Variants in TENM2 observed in about 807,000 individuals in gnomAD.
The protein encoded by TENM2 is teneurin-2.
In TENM2, 52 loss-of-function variants were observed where a neutral mutation model predicts 245.2. That is an observed-to-expected ratio of 0.21 (90% CI 0.17 to 0.27). The LOEUF is 0.27. TENM2 is among the 10% of genes least tolerant of loss of function. TENM2 has a pLI of 1.00. For missense variants in TENM2, 3,046 were observed against 3,666.8 expected, an observed-to-expected ratio of 0.83 and a Z score of 4.37; for synonymous variants, 1,363 against 1,438.9, an observed-to-expected ratio of 0.95 and a Z score of 1.19.
chr5:167,205,138 T>C, the TENM2 span, among the ~76,000 whole-genome samples: 1 of 152,208 alleles, frequency 6.6e-6, no homozygotes, highest in Non-Finnish European at 1.5e-5. Context: ...CCCAGCACTT[T>C]GGGAGGCCAA....
At chr5:167,340,234 T>G (rs1758016881) in intron 1 of TENM2, among the ~76,000 whole-genome samples, 1 of 152,202 alleles carries the variant, frequency 6.6e-6, no homozygotes, top group African/African-American at 2.4e-5. Context: ...CACCTCAAAG[T>G]GCTTCTAGCC....
At chr5:167,535,670 C>G (rs1771798539) in intron 2 of TENM2, among the ~76,000 whole-genome samples, 1 of 152,230 alleles carries the variant, frequency 6.6e-6, no homozygotes, top group Non-Finnish European at 1.5e-5. Flanking sequence ...ACACAATGTT[C>G]ATCTCCTCTG....
Position 167,941,385 on chromosome 5 carries a change from T to C in TENM2, c.713-11203T>C, listed in dbSNP as rs571176262. On this transcript the variant is annotated intron_variant, in intron 3 of 28. Coordinates refer to ENST00000518659, the Ensembl canonical transcript of TENM2. ...CACATTGTCCACCATTGGACAGTTT[T>C]ATTTCAGTGTATTTAAACTGCAAGT... 6.6e-5 allele frequency among the ~76,000 whole-genome samples: 10 copies of C among 152,348 alleles called. No individual in the cohort carries two copies. The South Asian group carries it at 1.9e-3, about 28-fold the overall frequency.
chr5:167,041,798 C>G, the TENM2 span, among the ~76,000 whole-genome samples: 1 of 152,112 alleles, frequency 6.6e-6, no homozygotes, highest in Non-Finnish European at 1.5e-5. Context: ...AAGCAAACCT[C>G]CCCCCTCCAA....
chr5:167,576,354 A>G (rs903405664), intron 2 of TENM2, among the ~76,000 whole-genome samples: 13 of 152,010 alleles, frequency 8.6e-5, no homozygotes, highest in African/African-American at 3.1e-4. Flanking sequence ...TTACAGGAAA[A>G]AAAGAAATGC....
chr5:167,574,280 G>T (rs1012747876), intron 2 of TENM2, among the ~76,000 whole-genome samples: 2 of 152,196 alleles, frequency 1.3e-5, no homozygotes, highest in African/African-American at 4.8e-5. Context: ...AGATGAGAAA[G>T]ATGATTTTGA....
intron 2 of TENM2, among the ~76,000 whole-genome samples, chr5:167,465,033 C>T (rs1257664187): frequency 6.6e-6 from 1 of 152,172 alleles, no homozygotes; most frequent in Non-Finnish European, 1.5e-5. Context: ...AGTTTTAAAG[C>T]ACCGTTCTCA....
chr5:168,008,250 TA>T (rs1298698590), intron 5 of TENM2, among the ~76,000 whole-genome samples: 10 of 151,862 alleles, frequency 6.6e-5, no homozygotes, highest in African/African-American at 2.2e-4. Context: ...ACAGGAAAGG[TA>T]AAAGGAGAAG....
chr5:168,119,357 G>A (rs2152337121), intron 10 of TENM2, among the ~76,000 whole-genome samples: 1 of 152,314 alleles, frequency 6.6e-6, no homozygotes, highest in African/African-American at 2.4e-5. Context: ...ACAGGAACAG[G>A]GAGAAAGAGC....
chr5:167,378,890 A>ATTTTTTTT, intron 2 of TENM2, among the ~76,000 whole-genome samples: 1 of 149,652 alleles, frequency 6.7e-6, no homozygotes, highest in Non-Finnish European at 1.5e-5. Context: ...TCCTTCCAGC[A>ATTTTTTTT]GAATTCTAGT....
chr5:167,056,670 A>G, the TENM2 span, among the ~76,000 whole-genome samples: 90,636 of 142,750 alleles, frequency 0.63, 30,929 homozygotes, highest in African/African-American at 0.9. Context: ...TATATGTGCC[A>G]TATATATATT....
At chr5:168,095,657 T>G (rs1793305493) in intron 8 of TENM2, among the ~76,000 whole-genome samples, 1 of 152,236 alleles carries the variant, frequency 6.6e-6, no homozygotes, top group Non-Finnish European at 1.5e-5. Flanking sequence ...TATATCTGTC[T>G]TTGTCACCAT....
the TENM2 span, among the ~76,000 whole-genome samples, chr5:167,004,975 G>T: frequency 1.3e-5 from 2 of 152,004 alleles, no homozygotes; most frequent in Non-Finnish European, 2.9e-5. Context: ...GATTTGAATA[G>T]AGTCCGAATA....
At chr5:167,117,485 A>G in the TENM2 span, among the ~76,000 whole-genome samples, 1 of 152,208 alleles carries the variant, frequency 6.6e-6, no homozygotes, top group Non-Finnish European at 1.5e-5. Context: ...CCTGGGCGAC[A>G]GAGCGAGACT....
chr5:167,372,984 G>A (rs1434505945), intron 1 of TENM2, among the ~76,000 whole-genome samples: 1 of 152,216 alleles, frequency 6.6e-6, no homozygotes, highest in African/African-American at 2.4e-5. Flanking sequence ...ATGATAAACT[G>A]TACCCAGGGA....
In TENM2 at chr5:168,218,202, C is replaced by G; in HGVS notation, c.4311C>G (p.Ile1437Met). The G allele has an allele frequency of 6.2e-7, 1 of 1,613,894 alleles. No homozygotes were observed. ...TGTATGTTCTAGAGAACAATGTCAT[C>G]CTTCGAATCACCGAGAACCACCAAG... The change falls in exon 23 of 29, where the codon ATC becomes ATG. Residue 1437 changes from isoleucine to methionine, a missense_variant. Ile to Met is a conservative substitution (Grantham distance 10). Coordinates refer to ENST00000518659, the Ensembl canonical transcript of TENM2. The surrounding 1 kb of genome is among the most constrained non-coding windows in gnomAD (Gnocchi z 5.2).
chr5:167,930,453 TTTTATTTA>T (rs142148292), intron 3 of TENM2, among the ~76,000 whole-genome samples: 34,752 of 148,046 alleles, frequency 0.23, 5,774 homozygotes, highest in African/African-American at 0.48. Context: ...TTTCTTAGAA[TTTTATTTA>T]TTTATTTATT....
At chr5:167,960,687 C>T (rs1258427549) in intron 4 of TENM2, among the ~76,000 whole-genome samples, 1 of 152,148 alleles carries the variant, frequency 6.6e-6, no homozygotes, top group Non-Finnish European at 1.5e-5. Context: ...GCTTCAGCCC[C>T]CTTTCCAGGG....
chr5:167,845,203 A>G (rs1203506375), intron 2 of TENM2, among the ~76,000 whole-genome samples: 1 of 150,286 alleles, frequency 6.7e-6, no homozygotes, highest in Non-Finnish European at 1.5e-5. Flanking sequence ...CCTCACCATC[A>G]TTATTACCCC....
Sources: gnomAD v4.1 joint callset for allele counts (sites outside exome capture counted in the v4.1 genomes callset) on GRCh38, gnomAD v4.1.1 for gene constraint, Gnocchi (gnomAD v3.1) non-coding constraint, MANE v1.5 for transcripts, NCBI Gene and HGNC (gene_info 2026-07-23, HGNC 2026-07-21) for gene names.